The following CTNNA3 variants were observed in gnomAD, a reference collection of about 807,000 sequenced individuals.
The protein encoded by CTNNA3 is catenin alpha-3.
In CTNNA3, 76 loss-of-function variants were observed where a neutral mutation model predicts 95.7. The observed-to-expected ratio is 0.79, with a 90% confidence interval of 0.66 to 0.96. The LOEUF is 0.96. CTNNA3 is among the 40% of genes least tolerant of loss of function. The pLI, the probability that CTNNA3 is intolerant of heterozygous loss-of-function variation, is 0.00. For synonymous variants in CTNNA3, 431 were observed against 374.4 expected, an observed-to-expected ratio of 1.15 and a Z score of -1.74; for missense variants, 1,191 against 1,089.8, an observed-to-expected ratio of 1.09 and a Z score of -1.31.
intron 14 of CTNNA3, 96 bp downstream of exon 14, chr10:66,103,061 G>C (rs1442269778): frequency 4.3e-6 from 4 of 920,508 alleles, no homozygotes; most frequent in Admixed American, 3.6e-5. Flanking sequence ...CCAGATCCAG[G>C]AGTCCCACCC....
chr10:66,837,368 TCCATGTATCGTTTA>T (rs1842919830), intron 7 of CTNNA3: 1 of 152,118 alleles, frequency 6.6e-6, no homozygotes, highest in African/African-American at 2.4e-5. Context: ...AGATAACATG[TCCATGTATCGTTTA>T]CCAGCACCAG....
chr10:66,629,094 G>A (rs930317586), intron 9 of CTNNA3, among the ~76,000 whole-genome samples: 1 of 152,072 alleles, frequency 6.6e-6, no homozygotes, highest in Non-Finnish European at 1.5e-5. Flanking sequence ...ATGGAGACCA[G>A]GAGAAGAAAA....
intron 15 of CTNNA3, among the ~76,000 whole-genome samples, chr10:65,999,530 C>G (rs962542153): frequency 6.6e-6 from 1 of 152,094 alleles, no homozygotes; most frequent in African/African-American, 2.4e-5. Context: ...TATGCCAAAC[C>G]ACAATTATTC....
At chr10:67,744,089 A>G (rs1410396971) in intron 1 of CTNNA3, among the ~76,000 whole-genome samples, 2 of 151,376 alleles carry the variant, frequency 1.3e-5, no homozygotes, top group African/African-American at 4.8e-5. Context: ...AAGGTAATTT[A>G]TAGATTCAAT....
intron 13 of CTNNA3, among the ~76,000 whole-genome samples, chr10:66,257,139 T>G (rs767030229): frequency 1.2e-4 from 19 of 152,222 alleles, no homozygotes; most frequent in Admixed American, 9.8e-4. Context: ...CCTCTGAAAT[T>G]CATCCTCTAG....
intron 9 of CTNNA3, among the ~76,000 whole-genome samples, chr10:66,742,726 C>A (rs1168707617): frequency 6.6e-6 from 1 of 152,110 alleles, no homozygotes; most frequent in East Asian, 1.9e-4. Context: ...GAATTTCACC[C>A]AATACACCAG....
chr10:67,139,843 T>C (rs539725385), intron 7 of CTNNA3, among the ~76,000 whole-genome samples: 1 of 152,286 alleles, frequency 6.6e-6, no homozygotes, highest in African/African-American at 2.4e-5. Context: ...AATTTAAAAG[T>C]TCAGAAAAAA....
chr10:66,466,339 T>TATACACACACACAC (rs753509503), intron 11 of CTNNA3, among the ~76,000 whole-genome samples: 1 of 141,770 alleles, frequency 7.1e-6, no homozygotes, highest in African/African-American at 2.6e-5. Context: ...CACCCACCTA[T>TATACACACACACAC]ACACACACAC....
intron 15 of CTNNA3, among the ~76,000 whole-genome samples, chr10:66,024,324 C>T (rs975317013): frequency 4.6e-5 from 7 of 151,938 alleles, no homozygotes; most frequent in South Asian, 2.1e-4. Flanking sequence ...CTCCTGACCT[C>T]GTGATCCGCC....
At chr10:67,074,256 T>C (rs1438099271) in intron 7 of CTNNA3, among the ~76,000 whole-genome samples, 1 of 151,306 alleles carries the variant, frequency 6.6e-6, no homozygotes, top group Non-Finnish European at 1.5e-5. Context: ...GGTCTTGATC[T>C]CTCGACCTCA....
chr10:66,842,076 C>T lies in CTNNA3; in HGVS notation c.1048-66552G>A, dbSNP rs565224996. On this transcript the variant is annotated intron_variant, in intron 7 of 17. Coordinates refer to ENST00000433211, the MANE Select transcript of CTNNA3 (RefSeq NM_013266.4). ...TTCCCAAGTAGTTGGGACCACAGCACGCACACCAAACCTGGCTAAATTCGT... is the reference window on the plus strand; with the variant it reads ...TTCCCAAGTAGTTGGGACCACAGCATGCACACCAAACCTGGCTAAATTCGT... 2.6e-4 allele frequency among the ~76,000 whole-genome samples: 40 copies of T among 152,110 alleles called. 1 individual carries two copies. The South Asian group carries it at 6.9e-3, about 26-fold the overall frequency.
intron 7 of CTNNA3, among the ~76,000 whole-genome samples, chr10:67,090,485 A>G (rs1857566027): frequency 6.6e-6 from 1 of 152,130 alleles, no homozygotes; most frequent in African/African-American, 2.4e-5. Flanking sequence ...AAGGCCAGTA[A>G]GAATTAGATA....
intron 5 of CTNNA3, among the ~76,000 whole-genome samples, chr10:67,293,906 C>T (rs1020491092): frequency 6.6e-6 from 1 of 151,946 alleles, no homozygotes; most frequent in Non-Finnish European, 1.5e-5. Flanking sequence ...TTTCTTAATC[C>T]AGTCTCTCAC....
At chr10:66,199,799 ATATATATTTTTTT>A (rs1240913791) in intron 13 of CTNNA3, among the ~76,000 whole-genome samples, 5 of 13,826 alleles carry the variant, frequency 3.6e-4, no homozygotes, top group African/African-American at 1.5e-3. Context: ...ATATATATAT[ATATATATTTTTTT>A]TTTTTTTTTT....
intron 5 of CTNNA3, among the ~76,000 whole-genome samples, chr10:67,342,065 T>C (rs1842216280): frequency 2.0e-5 from 3 of 150,056 alleles, no homozygotes. Context: ...TCCCAGTATA[T>C]ATTTTTTATT....
chr10:67,370,879 T>C (rs1002170919), intron 5 of CTNNA3, among the ~76,000 whole-genome samples: 1 of 150,586 alleles, frequency 6.6e-6, no homozygotes, highest in African/African-American at 2.4e-5. Context: ...GTTTTTTTTT[T>C]TTTTTGAGAC....
At chr10:66,303,735 A>G (rs1564851950) in intron 12 of CTNNA3, among the ~76,000 whole-genome samples, 1 of 152,086 alleles carries the variant, frequency 6.6e-6, no homozygotes, top group East Asian at 1.9e-4. Context: ...CCCGGGTTCA[A>G]GCGATTTGCC....
intron 14 of CTNNA3, among the ~76,000 whole-genome samples, chr10:66,071,713 A>G (rs748825540): frequency 2.0e-5 from 3 of 152,182 alleles, no homozygotes; most frequent in African/African-American, 4.8e-5. Flanking sequence ...TCTTTAAATT[A>G]TATACCATGA....
intron 11 of CTNNA3, among the ~76,000 whole-genome samples, chr10:66,470,146 GAAC>G (rs2131871696): frequency 6.6e-6 from 1 of 151,876 alleles, no homozygotes; most frequent in African/African-American, 2.4e-5. Flanking sequence ...TGGATAGGAG[GAAC>G]AACAATTCCT....
Sources: allele counts gnomAD v4.1 joint callset (sites outside exome capture counted in the v4.1 genomes callset), GRCh38; gene constraint gnomAD v4.1.1; transcripts MANE v1.5; gene names NCBI Gene and HGNC (gene_info 2026-07-23, HGNC 2026-07-21).